Variants in LIX1 observed in about 807,000 individuals in gnomAD.
LIX1 encodes the protein limb and CNS expressed 1.
LIX1 carries 24 observed loss-of-function variants against 33.4 expected under a neutral mutation model. The ratio of observed to expected loss-of-function variants is 0.72; its 90% confidence interval spans 0.52 to 1.01. LIX1 has a LOEUF of 1.01. LIX1 is among the 50% of genes least tolerant of loss of function. The probability of loss-of-function intolerance (pLI) is 0.00; values close to 1 mark genes in which losing one functional copy is unlikely to be tolerated. For missense variants in LIX1, 311 were observed against 339.2 expected (o/e 0.92, Z 0.65); for synonymous variants, 124 against 124.0 (o/e 1.00, Z 0.00).
At chr5:97,110,106 G>A (rs1747297885) in intron 2 of LIX1, among the ~76,000 whole-genome samples, 1 of 152,122 alleles carries the variant, frequency 6.6e-6, no homozygotes, top group African/African-American at 2.4e-5. Flanking sequence ...TCCCAGTAGT[G>A]GAATTGCTGG....
chr5:97,115,713 A>G (rs60482981), intron 2 of LIX1, among the ~76,000 whole-genome samples: 6,707 of 151,906 alleles, frequency 0.044, 182 homozygotes, highest in South Asian at 0.091. Context: ...GTGCCTCCCA[A>G]TGGTAGCCAA....
intron 4 of LIX1, among the ~76,000 whole-genome samples, chr5:97,098,974 G>T (rs2112750089): frequency 6.6e-6 from 1 of 152,332 alleles, no homozygotes; most frequent in South Asian, 2.1e-4. Context: ...TCACTGCACA[G>T]TAAGTACTCT....
In LIX1 at chr5:97,093,192, T is replaced by C. The variant is rs1746163037; in HGVS notation, c.*1556A>G. The C allele has an allele frequency of 6.6e-6, 1 of 152,322 alleles. No individual in the cohort carries two copies. Among genetic ancestry groups the C allele is most frequent in the African/African-American group, 2.4e-5 (1 of 41,454 alleles). The allele number at this position is 152,322 out of a possible 1,614,324, so 9.4% of individuals were successfully genotyped here. A position where few individuals can be genotyped will look rare whatever the true frequency, so the allele number is the denominator to read the frequency against. On this transcript the variant is annotated 3_prime_UTR_variant, in exon 6 of 6. Coordinates refer to ENST00000274382, the MANE Select transcript of LIX1 (RefSeq NM_153234.5). Reference sequence around the variant, plus strand: ...ATGATCAGTTACAGTAGTTTTCATGTGGATTTAAGGAGTGATGGTTACCTT... The same window carrying C: ...ATGATCAGTTACAGTAGTTTTCATGCGGATTTAAGGAGTGATGGTTACCTT...
intron 1 of LIX1, among the ~76,000 whole-genome samples, chr5:97,135,282 G>A (rs539055349): frequency 6.6e-6 from 1 of 152,248 alleles, no homozygotes; most frequent in African/African-American, 2.4e-5. Context: ...TAAGGAAGAA[G>A]GGGAAAAATT....
chr5:97,106,795 T>G (rs1747055047), intron 3 of LIX1, among the ~76,000 whole-genome samples: 1 of 152,266 alleles, frequency 6.6e-6, no homozygotes, highest in Non-Finnish European at 1.5e-5. Flanking sequence ...TACAGAAATT[T>G]TCAATGCTCT....
Position 97,112,798 on chromosome 5 carries a change from T to TA in LIX1, c.247-5299dup, listed in dbSNP as rs534869921. Among the ~76,000 whole-genome samples the TA allele has an allele frequency of 2.7e-3, 289 of 108,342 alleles. 1 individual carries two copies. The highest frequency in any genetic ancestry group is 5.1e-3 in the East Asian group (19 of 3,756). 71.1% of individuals were successfully genotyped at this position (108,342 alleles called of 152,430 possible). ...TCCTGGCTCTGATCTAAAATTAAAG[T>TA]AAAAAAAAAAAAAAAAAAAAGAGTG... On this transcript the variant is annotated intron_variant, in intron 2 of 5. Coordinates refer to ENST00000274382, the MANE Select transcript of LIX1 (RefSeq NM_153234.5).
chr5:97,129,860 A>T (rs1261111903), intron 1 of LIX1, among the ~76,000 whole-genome samples: 1 of 152,240 alleles, frequency 6.6e-6, no homozygotes, highest in African/African-American at 2.4e-5. Context: ...TTGGTAGTGT[A>T]GGCATGAGAG....
intron 1 of LIX1, among the ~76,000 whole-genome samples, chr5:97,131,168 T>C (rs2112795280): frequency 6.6e-6 from 1 of 152,364 alleles, no homozygotes; most frequent in Non-Finnish European, 1.5e-5. Context: ...TATTTAACCC[T>C]TGACCCTCTC....
At chr5:97,114,253 C>G (rs1018887727) in intron 2 of LIX1, among the ~76,000 whole-genome samples, 2 of 152,156 alleles carry the variant, frequency 1.3e-5, no homozygotes, top group Non-Finnish European at 2.9e-5. Flanking sequence ...AAACCCAGCA[C>G]TTTGGGAGGC....
chr5:97,100,344 T>A (rs986359465), intron 4 of LIX1, among the ~76,000 whole-genome samples: 1 of 152,026 alleles, frequency 6.6e-6, no homozygotes, highest in Non-Finnish European at 1.5e-5. Flanking sequence ...CGAAGCAGCT[T>A]TTTTTTTCTC....
chr5:97,097,589 G>C (rs1019357822), intron 4 of LIX1, among the ~76,000 whole-genome samples: 1 of 152,186 alleles, frequency 6.6e-6, no homozygotes, highest in Non-Finnish European at 1.5e-5. Context: ...AGACCTTCTT[G>C]TGACATTATT....
rs1746199153 is a variant in LIX1 at position 97,093,814 on chromosome 5, AG to A, written c.*933del. 1 of 152,324 alleles carries A rather than the reference AG, an allele frequency of 6.6e-6. No homozygotes were observed. Among genetic ancestry groups the A allele is most frequent in the Non-Finnish European group, 1.5e-5 (1 of 68,034 alleles). The allele number at this position is 152,324 out of a possible 1,614,324, so 9.4% of individuals were successfully genotyped here. On this transcript the variant is annotated 3_prime_UTR_variant, in exon 6 of 6. Coordinates refer to ENST00000274382, the MANE Select transcript of LIX1 (RefSeq NM_153234.5). Reference sequence around the variant, plus strand: ...GTTCTTGAACAACAAACAGAGCTAAAGGGTCCTTCTCTCAAATGCTGGTGAA... The same window carrying A: ...GTTCTTGAACAACAAACAGAGCTAAAGGTCCTTCTCTCAAATGCTGGTGAA...
In LIX1 at chr5:97,110,925, A is replaced by T. The variant is rs1195822834; in HGVS notation, c.247-3425T>A. 5.9e-5 allele frequency among the ~76,000 whole-genome samples: 9 copies of T among 152,298 alleles called. No individual in the cohort carries two copies. The South Asian group carries it at 1.7e-3, about 28-fold the overall frequency. On this transcript the variant is annotated intron_variant, in intron 2 of 5. Transcript: ENST00000274382. ...CTCTTCTAAGTTTTAGGCAACTTGT[A>T]TGAAACCAGAATGGGTTTGACAAGG...
rs764657469 is a variant in LIX1 at position 97,094,829 on chromosome 5, C to A, written c.768G>T (p.Leu256=). The A allele has an allele frequency of 1.2e-6, 2 of 1,614,196 alleles. No individual in the cohort carries two copies. The highest frequency in any genetic ancestry group is 1.7e-6 in the Non-Finnish European group (2 of 1,180,028). ...KEKKEILSLA[L]TQICSDPDTS... ...TGTCAGGGTCACTGCAGATCTGAGT[C>A]AGGGCTAAGCTCAATATTTCTTTCT... Residue 256 remains leucine (L), a synonymous_variant, in exon 6 of 6, where the codon CTG becomes CTT. Coordinates refer to ENST00000274382, the MANE Select transcript of LIX1 (RefSeq NM_153234.5).
intron 1 of LIX1, chr5:97,137,293 C>T: frequency 4.4e-6 from 1 of 225,702 alleles, no homozygotes; most frequent in Non-Finnish European, 9.1e-6. Context: ...AGGTGTCTAT[C>T]ATATTTATTT....
At chr5:97,101,555 T>C (rs1412677720) in intron 4 of LIX1, among the ~76,000 whole-genome samples, 1 of 152,218 alleles carries the variant, frequency 6.6e-6, no homozygotes. Flanking sequence ...TGTGTTTTCT[T>C]TCCTCTTCGG....
rs151165260 is a variant in LIX1 at position 97,104,598 on chromosome 5, A to G, written c.483+592T>C. On this transcript the variant is annotated intron_variant, in intron 4 of 5. Coordinates refer to ENST00000274382, the MANE Select transcript of LIX1 (RefSeq NM_153234.5). Reference sequence around the variant, plus strand: ...GCACGGGCCAAAGTAAGCATCCATAAATGTCAGCTGTTATTACTGCTGTTG... The same window carrying G: ...GCACGGGCCAAAGTAAGCATCCATAGATGTCAGCTGTTATTACTGCTGTTG... Among the ~76,000 whole-genome samples the G allele has an allele frequency of 1.7e-4, 26 of 152,356 alleles. No homozygotes were observed. The East Asian group carries it at 3.1e-3, about 18-fold the overall frequency.
intron 2 of LIX1, among the ~76,000 whole-genome samples, chr5:97,116,153 A>C (rs1023813347): frequency 3.3e-5 from 5 of 152,192 alleles, no homozygotes; most frequent in African/African-American, 1.2e-4. Flanking sequence ...GCCTTCACGA[A>C]GAATGCCACA....
intron 5 of LIX1, among the ~76,000 whole-genome samples, chr5:97,095,663 C>T (rs1746336891): frequency 6.6e-6 from 1 of 152,172 alleles, no homozygotes; most frequent in Admixed American, 6.5e-5. Flanking sequence ...CTTCATGGTA[C>T]ATTGTCTTTT....
Sources: gnomAD v4.1 joint callset for allele counts (sites outside exome capture counted in the v4.1 genomes callset) on GRCh38, gnomAD v4.1.1 for gene constraint, MANE v1.5 for transcripts, NCBI Gene and HGNC (gene_info 2026-07-23, HGNC 2026-07-21) for gene names.